Variants in ROBO2 observed in about 807,000 individuals in gnomAD.
ROBO2 encodes the protein roundabout guidance receptor 2, also known as roundabout homolog 2.
Under a neutral mutation model 160.8 loss-of-function variants are expected in ROBO2, and 53 were observed. The observed-to-expected ratio is 0.33, with a 90% CI of 0.26 to 0.41. ROBO2 has a LOEUF of 0.41. ROBO2 is among the 10% of genes least tolerant of loss of function. ROBO2 has a pLI of 1.00. For synonymous variants in ROBO2, 664 were observed against 611.7 expected (o/e 1.09, Z -1.26); for missense variants, 1,577 against 1,722.4 (o/e 0.92, Z 1.49).
intron 2 of ROBO2, among the ~76,000 whole-genome samples, chr3:77,312,144 T>G (rs1389357413): frequency 1.3e-5 from 2 of 152,178 alleles, no homozygotes; most frequent in Non-Finnish European, 2.9e-5. Context: ...TTATCCTTCT[T>G]GAGCATATAT....
intron 2 of ROBO2, among the ~76,000 whole-genome samples, chr3:76,039,899 G>A (rs2067228529): frequency 6.6e-6 from 1 of 151,998 alleles, no homozygotes; most frequent in Non-Finnish European, 1.5e-5. Flanking sequence ...CCACTTCGGA[G>A]AATAAATGAC....
intron 5 of ROBO2, among the ~76,000 whole-genome samples, chr3:77,505,309 A>G (rs2088314499): frequency 6.6e-6 from 1 of 152,174 alleles, no homozygotes; most frequent in Non-Finnish European, 1.5e-5. Context: ...ATGGACATTA[A>G]TACAAGTGGT....
intron 2 of ROBO2, among the ~76,000 whole-genome samples, chr3:76,078,330 T>C (rs568879187): frequency 6.6e-6 from 1 of 152,302 alleles, no homozygotes; most frequent in Admixed American, 6.5e-5. Context: ...TCAGTCCTAG[T>C]GTTGGATTTA....
At chr3:76,991,917 C>T (rs962460630) in intron 2 of ROBO2, among the ~76,000 whole-genome samples, 4 of 152,010 alleles carry the variant, frequency 2.6e-5, no homozygotes, top group Non-Finnish European at 5.9e-5. Flanking sequence ...ATCTGAAAAG[C>T]CTTTAATCAG....
At chr3:77,465,059 C>T (rs1325259849) in intron 2 of ROBO2, among the ~76,000 whole-genome samples, 1 of 151,954 alleles carries the variant, frequency 6.6e-6, no homozygotes, top group Non-Finnish European at 1.5e-5. Flanking sequence ...AGACAACTTG[C>T]CCTACATTCA....
At position 77,065,980 on chromosome 3, in the gene ROBO2, G is replaced by A. The variant is rs1371904619; in HGVS notation, c.61+25134G>A. Among the ~76,000 whole-genome samples, 6 of 152,112 alleles carry A rather than the reference G, an allele frequency of 3.9e-5. No individual in the cohort carries two copies. In the South Asian group the frequency reaches 6.2e-4, roughly 16 times the overall value. ...CCAGGACTTTGCTGGCATCGAAGCC[G>A]AAGCTATTTCTTACTACAAAGGAAA... is the stretch of plus-strand genomic sequence containing the variant. On this transcript the variant is annotated intron_variant, in intron 1 of 25. Coordinates refer to ENST00000461745, the Ensembl canonical transcript of ROBO2.
chr3:76,121,310 TAAAG>T (rs2070743529), intron 2 of ROBO2, among the ~76,000 whole-genome samples: 2 of 152,116 alleles, frequency 1.3e-5, no homozygotes, highest in South Asian at 2.1e-4. Context: ...TTCAACATAA[TAAAG>T]AAATATTATT....
intron 2 of ROBO2, among the ~76,000 whole-genome samples, chr3:77,229,270 T>G (rs2086865686): frequency 2.0e-5 from 3 of 152,122 alleles, no homozygotes; most frequent in African/African-American, 7.2e-5. Flanking sequence ...TTACTACTAT[T>G]ACTATACTCC....
chr3:76,836,861 T>A (rs768653171), intron 2 of ROBO2, among the ~76,000 whole-genome samples: 5 of 151,856 alleles, frequency 3.3e-5, no homozygotes, highest in Non-Finnish European at 7.4e-5. Flanking sequence ...TCTTCTGCTG[T>A]TGGGTGGAGT....
intron 2 of ROBO2, among the ~76,000 whole-genome samples, chr3:76,600,317 A>C (rs544692141): frequency 1.3e-5 from 2 of 152,292 alleles, no homozygotes; most frequent in South Asian, 4.1e-4. Context: ...CCAGTGTTTG[A>C]ATAACAGATT....
intron 2 of ROBO2, among the ~76,000 whole-genome samples, chr3:77,135,481 G>C (rs980582972): frequency 2.6e-5 from 4 of 151,996 alleles, no homozygotes; most frequent in Non-Finnish European, 5.9e-5. Flanking sequence ...GCTCCCTGCA[G>C]TCTTGACCTC....
At chr3:77,035,326 C>T (rs1559875028), upstream of ROBO2, among the ~76,000 whole-genome samples, 1 of 151,766 alleles carries the variant, frequency 6.6e-6, no homozygotes, top group Admixed American at 6.6e-5. Flanking sequence ...AAGGTATACA[C>T]AATTAAAGAA....
intron 2 of ROBO2, among the ~76,000 whole-genome samples, chr3:77,283,119 A>C (rs1402811410): frequency 6.6e-6 from 1 of 152,160 alleles, no homozygotes; most frequent in Non-Finnish European, 1.5e-5. Flanking sequence ...TGGTGAATCT[A>C]TTTAGTCTAC....
intron 2 of ROBO2, among the ~76,000 whole-genome samples, chr3:76,846,710 C>T (rs181774645): frequency 2.0e-5 from 3 of 152,186 alleles, no homozygotes; most frequent in East Asian, 3.9e-4. Flanking sequence ...AACTCACAAA[C>T]TATTTAGTTT....
intron 2 of ROBO2, among the ~76,000 whole-genome samples, chr3:76,520,443 TC>T (rs750230293): frequency 1.7e-4 from 26 of 152,026 alleles, no homozygotes; most frequent in Non-Finnish European, 2.4e-4. Flanking sequence ...AGACCCAGAC[TC>T]CATCTCAAAA....
chr3:76,604,270 A>G (rs2087467004), intron 2 of ROBO2, among the ~76,000 whole-genome samples: 1 of 152,182 alleles, frequency 6.6e-6, no homozygotes, highest in African/African-American at 2.4e-5. Flanking sequence ...TTTGGACTTA[A>G]GAAGCAGTAT....
intron 2 of ROBO2, among the ~76,000 whole-genome samples, chr3:77,230,566 A>G (rs1057067477): frequency 8.5e-4 from 130 of 152,354 alleles, no homozygotes; most frequent in African/African-American, 3.0e-3. Context: ...TTCGCACCAA[A>G]TGGAACCATT....
intron 2 of ROBO2, among the ~76,000 whole-genome samples, chr3:76,089,260 A>G (rs2069133338): frequency 6.6e-6 from 1 of 152,080 alleles, no homozygotes; most frequent in Non-Finnish European, 1.5e-5. Flanking sequence ...ATACATTTAT[A>G]AAATAAATTA....
chr3:77,123,152 A>G (rs1356145559), intron 2 of ROBO2, among the ~76,000 whole-genome samples: 4 of 152,234 alleles, frequency 2.6e-5, no homozygotes, highest in Non-Finnish European at 5.9e-5. Flanking sequence ...GTTGATTTTC[A>G]TAAACATACA....
Sources: allele counts gnomAD v4.1 joint callset (sites outside exome capture counted in the v4.1 genomes callset), GRCh38; gene constraint gnomAD v4.1.1; transcripts MANE v1.5; gene names NCBI Gene and HGNC (gene_info 2026-07-23, HGNC 2026-07-21).